Variants in LRPPRC observed in about 807,000 individuals in gnomAD.
The protein encoded by LRPPRC is leucine rich pentatricopeptide repeat containing, also known as leucine-rich PPR motif-containing protein, mitochondrial.
Under a neutral mutation model 180.3 loss-of-function variants are expected in LRPPRC, and 120 were observed. The ratio of observed to expected loss-of-function variants is 0.67; its 90% CI spans 0.57 to 0.77. The LOEUF is 0.77. Ranked by LOEUF, LRPPRC falls within the 30% of genes least tolerant of loss-of-function variation. The pLI, the probability that LRPPRC is intolerant of heterozygous loss-of-function variation, is 0.00. For synonymous variants in LRPPRC, 723 were observed against 600.0 expected (o/e 1.21, Z -3.00); for missense variants, 2,012 against 1,657.2 (o/e 1.21, Z -3.72).
intron 24 of LRPPRC, 72 bp from the exon 25 acceptor site, chr2:43,934,368 C>T (rs1356198902): frequency 7.0e-6 from 5 of 715,806 alleles, no homozygotes; most frequent in Admixed American, 5.2e-5. Flanking sequence ...ATATGAAGTT[C>T]CAGACAAATA....
intron 37 of LRPPRC, among the ~76,000 whole-genome samples, chr2:43,889,184 A>G (rs998640154): frequency 1.3e-5 from 2 of 151,922 alleles, no homozygotes; most frequent in East Asian, 1.9e-4. Context: ...GCATGGTGGC[A>G]GGCCCCTGTA....
intron 25 of LRPPRC, among the ~76,000 whole-genome samples, chr2:43,932,463 A>T (rs1672126180): frequency 6.6e-6 from 1 of 152,136 alleles, no homozygotes; most frequent in African/African-American, 2.4e-5. Flanking sequence ...ACCCTTTAAA[A>T]AATTTTGTAC....
intron 13 of LRPPRC, among the ~76,000 whole-genome samples, chr2:43,959,393 A>G (rs1179508010): frequency 2.0e-5 from 3 of 152,250 alleles, no homozygotes; most frequent in Non-Finnish European, 4.4e-5. Context: ...CAAGTAATAC[A>G]TACCAATAAC....
intron 23 of LRPPRC, among the ~76,000 whole-genome samples, chr2:43,939,116 C>CAAA (rs34124728): frequency 7.8e-6 from 1 of 128,218 alleles, no homozygotes; most frequent in Non-Finnish European, 1.7e-5. Context: ...ACTAAAAATA[C>CAAA]AAAAAAAAAA....
intron 6 of LRPPRC, 103 bp from the exon 7 acceptor site, chr2:43,975,320 A>T: frequency 1.1e-6 from 1 of 914,114 alleles, no homozygotes; most frequent in Non-Finnish European, 1.7e-6. Flanking sequence ...GCTAAGTACC[A>T]TTTGGAATTA....
chr2:43,975,762 T>C (rs1394626360), intron 6 of LRPPRC, among the ~76,000 whole-genome samples: 2 of 152,072 alleles, frequency 1.3e-5, no homozygotes, highest in African/African-American at 4.8e-5. Context: ...TTTTATATTT[T>C]TGTAGAGACC....
intron 9 of LRPPRC, 65 bp downstream of exon 9, chr2:43,974,085 A>G: frequency 6.9e-7 from 1 of 1,457,256 alleles, no homozygotes; most frequent in Non-Finnish European, 9.6e-7. Context: ...AAATGTTCCT[A>G]TACTTTAAAG....
At chr2:43,956,753 G>C (rs528782980) in intron 14 of LRPPRC, among the ~76,000 whole-genome samples, 1 of 152,208 alleles carries the variant, frequency 6.6e-6, no homozygotes, top group African/African-American at 2.4e-5. Context: ...AGCCAGGCGT[G>C]GTGGTGGGCA....
intron 2 of LRPPRC, among the ~76,000 whole-genome samples, chr2:43,980,319 T>C (rs1161253382): frequency 1.3e-5 from 2 of 152,122 alleles, no homozygotes; most frequent in Non-Finnish European, 2.9e-5. Flanking sequence ...TTTGGGAGGT[T>C]GAGGCAGGCA....
chr2:43,979,919 G>C lies in LRPPRC; in HGVS notation c.376C>G (p.Leu126Val). The change falls in exon 3 of 38, where the codon CTA (leucine) becomes GTA (valine). Residue 126 changes from leucine (L) to valine (V), a missense_variant. Transcript: ENST00000260665. ...AAGAGAGAACCACAACTACGTAGTA[G>C]AAGCAAGGCATGACTACCACCTAGG... ...GGLGGSHALL[L>V]LRSCGSLLPE... is the part of the protein sequence containing the mutation. 1.2e-6 allele frequency: 2 copies of C among 1,613,876 alleles called. No homozygotes were observed. The highest frequency in any genetic ancestry group is 1.7e-6 in the Non-Finnish European group (2 of 1,179,828).
chr2:43,926,627 A>T (rs1221341674), intron 25 of LRPPRC, among the ~76,000 whole-genome samples: 2 of 152,182 alleles, frequency 1.3e-5, no homozygotes, highest in Non-Finnish European at 2.9e-5. Flanking sequence ...TCAGCGTCCC[A>T]AAGTGCTGGG....
intron 1 of LRPPRC, among the ~76,000 whole-genome samples, chr2:43,993,566 C>G (rs1674881506): frequency 6.6e-6 from 1 of 152,038 alleles, no homozygotes; most frequent in Non-Finnish European, 1.5e-5. Flanking sequence ...TTCTGTGTTT[C>G]ACGTGGGCAA....
At position 43,945,371 on chromosome 2, in the gene LRPPRC, C is replaced by A. The variant is rs1672642407; in HGVS notation, c.2257G>T (p.Gly753Cys). 1 of 1,612,492 alleles carries A rather than the reference C, an allele frequency of 6.2e-7. No homozygotes were observed. Among genetic ancestry groups the A allele is most frequent in the Admixed American group, 1.7e-5 (1 of 59,954 alleles). ...TGCTTTGCCAATACTCTTACAAGGCCTACATACTTGCCGGTGTCAAGGACA... is the reference window on the plus strand; with the variant it reads ...TGCTTTGCCAATACTCTTACAAGGCATACATACTTGCCGGTGTCAAGGACA... Reference protein sequence around the residue: ...SAVLDTGKYVGLVRVLAKHGK... With the variant: ...SAVLDTGKYVCLVRVLAKHGK... The change falls in exon 22 of 38, where the codon GGC (glycine) becomes TGC (cysteine). Residue 753 changes from glycine (G) to cysteine (C), a missense_variant. Gly to Cys is a radical substitution (Grantham distance 159, BLOSUM62 -3). Transcript: ENST00000260665.
At chr2:43,964,356 T>C (rs1673470581) in intron 11 of LRPPRC, among the ~76,000 whole-genome samples, 1 of 152,200 alleles carries the variant, frequency 6.6e-6, no homozygotes. Flanking sequence ...GAGTTTCAAA[T>C]AGATCCAGTT....
chr2:43,889,754 C>T lies in LRPPRC; in HGVS notation c.4108G>A (p.Val1370Ile), dbSNP rs200059839. 1.7e-5 allele frequency: 27 copies of T among 1,613,250 alleles called. No individual in the cohort carries two copies. The East Asian group carries it at 4.9e-4, about 29-fold the overall frequency. Residue 1370 changes from valine (V) to isoleucine (I), a missense_variant, in exon 37 of 38, where the codon GTC (valine) becomes ATC (isoleucine). Coordinates refer to ENST00000260665, the MANE Select transcript of LRPPRC (RefSeq NM_133259.4). ...CTCACAGGGGGTTCAATGAAAGGGA[C>T]AGGCTCTCCAGCATACTTCAGCAAA... Reference protein sequence around the residue: ...ASLLKYAGEPVPFIEPPESFE... With the variant: ...ASLLKYAGEPIPFIEPPESFE...
At chr2:43,934,634 G>A in intron 24 of LRPPRC, 120 bp downstream of exon 24, 1 of 798,820 alleles carries the variant, frequency 1.3e-6, no homozygotes, top group Non-Finnish European at 2.0e-6. Context: ...GATTTCACAA[G>A]TATAAAGAAA....
intron 20 of LRPPRC, 57 bp from the exon 21 acceptor site, chr2:43,946,300 C>A: frequency 7.3e-7 from 1 of 1,364,312 alleles, no homozygotes; most frequent in Non-Finnish European, 1.0e-6. Context: ...AAAAATGTCA[C>A]ATTTTTAGCT....
intron 22 of LRPPRC, 72 bp downstream of exon 22, chr2:43,945,260 A>C: frequency 1.0e-6 from 1 of 996,074 alleles, no homozygotes; most frequent in Non-Finnish European, 1.6e-6. Flanking sequence ...GATATCCATT[A>C]ATATCAATTC....
rs201354989 is a variant in LRPPRC, at chr2:43,974,308, C to T, written c.1010-13G>A. The T allele has an allele frequency of 6.3e-7, 1 of 1,596,804 alleles. No individual in the cohort carries two copies. The highest frequency in any genetic ancestry group is 8.6e-7 in the Non-Finnish European group (1 of 1,164,328). ...AGGTTCATTGCATCTGGGAAGAAAACAAAGACATCTTTTGTTAATAAACTG... is the reference window on the plus strand; with the variant it reads ...AGGTTCATTGCATCTGGGAAGAAAATAAAGACATCTTTTGTTAATAAACTG... On this transcript the variant is annotated splice_polypyrimidine_tract_variant and intron_variant, in intron 8 of 37. Coordinates refer to ENST00000260665, the MANE Select transcript of LRPPRC (RefSeq NM_133259.4).
Sources: gnomAD v4.1 joint callset for allele counts (sites outside exome capture counted in the v4.1 genomes callset) on GRCh38, gnomAD v4.1.1 for gene constraint, MANE v1.5 for transcripts, NCBI Gene and HGNC (gene_info 2026-07-23, HGNC 2026-07-21) for gene names.